Variants in CLSTN3 observed in about 807,000 individuals in gnomAD.
CLSTN3 encodes the protein calsyntenin 3, also known as calsyntenin-3.
Under a neutral mutation model 95.9 loss-of-function variants are expected in CLSTN3, and 36 were observed. The observed-to-expected ratio is 0.38, with a 90% CI of 0.29 to 0.50. CLSTN3 has a LOEUF of 0.50. Among genes scored for constraint, CLSTN3 ranks in the 20% least tolerant of loss-of-function variants. The pLI is 0.95. For missense variants in CLSTN3, 1,084 were observed against 1,268.8 expected (o/e 0.85, Z 2.21); for synonymous variants, 481 against 504.0 (o/e 0.95, Z 0.61).
At chr12:7,146,173 G>A (rs748908047) in intron 12 of CLSTN3, among the ~76,000 whole-genome samples, 2 of 152,142 alleles carry the variant, frequency 1.3e-5, no homozygotes, top group South Asian at 2.1e-4. Context: ...GCTGGGTGCC[G>A]TGGCTCACAC....
intron 10 of CLSTN3, 128 bp from the exon 11 acceptor site, chr12:7,142,741 C>CT: frequency 3.6e-6 from 1 of 280,760 alleles, no homozygotes; most frequent in Non-Finnish European, 5.8e-6. Context: ...TTTTTGGTTT[C>CT]CACATTTCTC....
chr12:7,158,137 C>A lies in CLSTN3; in HGVS notation c.*56C>A. ...ATTCTGCCCTGGTGAAACAGACACT[C>A]CAGACATGGGAGAAGGACTTTCTGG... On this transcript the variant is annotated 3_prime_UTR_variant, in exon 18 of 18. Coordinates refer to ENST00000266546, the MANE Select transcript of CLSTN3 (RefSeq NM_014718.4). 1 of 1,455,794 alleles carries A rather than the reference C, an allele frequency of 6.9e-7. No individual in the cohort carries two copies. Among genetic ancestry groups the A allele is most frequent in the South Asian group, 1.4e-5 (1 of 69,296 alleles). The allele number at this position is 1,455,794 out of a possible 1,614,324, so 90.2% of individuals were successfully genotyped here.
chr12:7,136,710 G>C, intron 6 of CLSTN3, 119 bp from the exon 7 acceptor site: 2 of 1,132,760 alleles, frequency 1.8e-6, no homozygotes, highest in Admixed American at 4.1e-5. Flanking sequence ...GGCCATAAAA[G>C]GTGGCAAGAC....
intron 5 of CLSTN3, 75 bp from the exon 6 acceptor site, chr12:7,136,131 G>C: frequency 6.5e-7 from 1 of 1,546,330 alleles, no homozygotes; most frequent in Non-Finnish European, 8.8e-7. Flanking sequence ...CATGGACATG[G>C]CAAGAGGAGC....
intron 4 of CLSTN3, 85 bp downstream of exon 4, chr12:7,135,620 CT>C: frequency 6.8e-7 from 1 of 1,466,984 alleles, no homozygotes; most frequent in Non-Finnish European, 9.5e-7. Flanking sequence ...GCATTCTCCA[CT>C]TTTGCCCCTC....
intron 1 of CLSTN3, chr12:7,132,735 A>G (rs1939327606): frequency 1.7e-6 from 1 of 591,606 alleles, no homozygotes; most frequent in Admixed American, 3.0e-5. Context: ...CTTCCTGACC[A>G]TGGTTCCCAT....
In CLSTN3 at chr12:7,157,454, G is replaced by C; in HGVS notation, c.2528-35G>C. 1 of 1,525,674 alleles carries C rather than the reference G, an allele frequency of 6.6e-7. No individual in the cohort carries two copies. The highest frequency in any genetic ancestry group is 8.8e-7 in the Non-Finnish European group (1 of 1,134,892). 94.5% of individuals were successfully genotyped at this position (1,525,674 alleles called of 1,614,324 possible). A position where few individuals can be genotyped will look rare whatever the true frequency, so the allele number is the denominator to read the frequency against. On this transcript the variant is annotated intron_variant, in intron 16 of 17. Transcript: ENST00000266546. The surrounding 1 kb of genome is among the most constrained non-coding windows in gnomAD (Gnocchi z 5.9). Reference sequence around the variant, plus strand: ...GTCCAAGTGCCCCCAGGTGTGCCTAGTCACGCTCTGCTCACCCCCGCGCTC... The same window carrying C: ...GTCCAAGTGCCCCCAGGTGTGCCTACTCACGCTCTGCTCACCCCCGCGCTC...
chr12:7,148,198 AAG>A (rs1491052246), intron 12 of CLSTN3, among the ~76,000 whole-genome samples: 1 of 133,474 alleles, frequency 7.5e-6, no homozygotes, highest in Non-Finnish European at 1.6e-5. Flanking sequence ...GAAAGAAAGA[AAG>A]AAAGAAAGAA....
chr12:7,149,292 C>A lies in CLSTN3; in HGVS notation c.2074+94C>A. On this transcript the variant is annotated intron_variant, in intron 13 of 17. Transcript: ENST00000266546. The surrounding 1 kb of genome is among the most constrained non-coding windows in gnomAD (Gnocchi z 4.5). ...AACTCCTGGGGCTGGAAGCAGAAAGCGACTCCATCCTGTGTTTGTTTGACT... is the reference window on the plus strand; with the variant it reads ...AACTCCTGGGGCTGGAAGCAGAAAGAGACTCCATCCTGTGTTTGTTTGACT... 1.8e-6 allele frequency: 2 copies of A among 1,112,818 alleles called. No homozygotes were observed. The highest frequency in any genetic ancestry group is 2.6e-6 in the Non-Finnish European group (2 of 755,020). 68.9% of individuals were successfully genotyped at this position (1,112,818 alleles called of 1,614,324 possible).
chr12:7,133,441 T>C lies in CLSTN3; in HGVS notation c.188-132T>C. 1 of 914,996 alleles carries C rather than the reference T, an allele frequency of 1.1e-6. No homozygotes were observed. The allele number at this position is 914,996 out of a possible 1,614,324, so 56.7% of individuals were successfully genotyped here. Reference sequence around the variant, plus strand: ...GGGCTTAGAGTTGCGTGTTTGATCATTAATGCTTTTGTGCCTACAGGAGAA... The same window carrying C: ...GGGCTTAGAGTTGCGTGTTTGATCACTAATGCTTTTGTGCCTACAGGAGAA... On this transcript the variant is annotated intron_variant, in intron 2 of 17. Coordinates refer to ENST00000266546, the MANE Select transcript of CLSTN3 (RefSeq NM_014718.4). This position sits in a 1 kb window ranked among gnomAD's most constrained non-coding sequence, Gnocchi z 4.7.
intron 10 of CLSTN3, 88 bp downstream of exon 10, chr12:7,142,227 G>C: frequency 1.8e-6 from 2 of 1,114,414 alleles, no homozygotes; most frequent in Non-Finnish European, 2.6e-6. Context: ...ATCCTATCCA[G>C]CCTGTGACAG....
intron 16 of CLSTN3, chr12:7,156,727 G>T (rs964899311): frequency 4.4e-6 from 2 of 456,682 alleles, no homozygotes; most frequent in Non-Finnish European, 8.8e-6. Context: ...TGAACGCACC[G>T]TTCTGTGTCT....
At chr12:7,132,927 G>C in intron 1 of CLSTN3, 97 bp from the exon 2 acceptor site, 1 of 1,544,628 alleles carries the variant, frequency 6.5e-7, no homozygotes, top group Non-Finnish European at 8.9e-7. Context: ...AAAGGTGATG[G>C]TGCTGGGGTG....
chr12:7,151,992 T>C (rs1272569863), intron 16 of CLSTN3, among the ~76,000 whole-genome samples: 3 of 146,818 alleles, frequency 2.0e-5, no homozygotes, highest in African/African-American at 7.6e-5. Flanking sequence ...AGGCCAAGGC[T>C]GCAGTGAGCC....
At position 7,141,293 on chromosome 12, in the gene CLSTN3, G is replaced by A. The variant is rs749653032; in HGVS notation, c.1375G>A (p.Val459Ile). Reference sequence around the variant, plus strand: ...CGCTCTGAACCTCGAGTTCCCCACAGTCACACTCTATACCGACGGCATCTC... The same window carrying A: ...CGCTCTGAACCTCGAGTTCCCCACAATCACACTCTATACCGACGGCATCTC... ...HYALNLEFPT[V>I]TLYTDGISFD... is the part of the protein sequence containing the mutation. The change falls in exon 9 of 18, where the codon GTC becomes ATC. Residue 459 changes from valine to isoleucine, a missense_variant. Physicochemically the swap from Val to Ile is conservative, Grantham distance 29. Coordinates refer to ENST00000266546, the MANE Select transcript of CLSTN3 (RefSeq NM_014718.4). The surrounding 1 kb of genome is among the most constrained non-coding windows in gnomAD (Gnocchi z 4.1). 2 of 1,614,160 alleles carry A rather than the reference G, an allele frequency of 1.2e-6. No homozygotes were observed. The highest frequency in any genetic ancestry group is 1.1e-5 in the South Asian group (1 of 91,080).
chr12:7,135,683 C>A, intron 4 of CLSTN3, 121 bp from the exon 5 acceptor site: 1 of 1,402,508 alleles, frequency 7.1e-7, no homozygotes, highest in East Asian at 2.3e-5. Context: ...TCCCAGATGC[C>A]TTTTTTCCCA....
At position 7,133,200 on chromosome 12, in the gene CLSTN3, G is replaced by A; in HGVS notation, c.187+54G>A. ...GGGTAGGACAGAGAAAAGTGGGTGG[G>A]AGGGCCAAGAGCAAGGGAGGGAGGG... On this transcript the variant is annotated intron_variant, in intron 2 of 17. Coordinates refer to ENST00000266546, the MANE Select transcript of CLSTN3 (RefSeq NM_014718.4). This position sits in a 1 kb window ranked among gnomAD's most constrained non-coding sequence, Gnocchi z 4.7. The A allele has an allele frequency of 6.5e-7, 1 of 1,543,796 alleles. No homozygotes were observed. Among genetic ancestry groups the A allele is most frequent in the Middle Eastern group, 1.7e-4 (1 of 5,862 alleles).
In CLSTN3 at chr12:7,135,833, T is replaced by C; in HGVS notation, c.622T>C (p.Tyr208His). ...CATTGAGAACACAGAGAAGCTGCAG[T>C]ACAGTGGTGAGAGGCTCTATAAGTT... ...GNIENTEKLQ[Y>H]SGERLYKFTV... The change falls in exon 5 of 18, where the codon TAC becomes CAC. Residue 208 changes from tyrosine to histidine, a missense_variant. Transcript: ENST00000266546. 1 of 1,613,060 alleles carries C rather than the reference T, an allele frequency of 6.2e-7. No individual in the cohort carries two copies. Among genetic ancestry groups the C allele is most frequent in the Non-Finnish European group, 8.5e-7 (1 of 1,179,468 alleles).
rs1385636994 is a variant in CLSTN3 at position 7,157,838 on chromosome 12, G to T, written c.2731-103G>T. On this transcript the variant is annotated intron_variant, in intron 17 of 17. Coordinates refer to ENST00000266546, the MANE Select transcript of CLSTN3 (RefSeq NM_014718.4). The surrounding 1 kb of genome is among the most constrained non-coding windows in gnomAD (Gnocchi z 5.9). ...GAGAGAGGTTCAGGCAGGGAAGGGG[G>T]TACACAGGGGTTAAGGGGACCGAGG... is the stretch of plus-strand genomic sequence containing the variant. The T allele has an allele frequency of 2.0e-6, 3 of 1,510,370 alleles. No individual in the cohort carries two copies. Among genetic ancestry groups the T allele is most frequent in the Non-Finnish European group, 1.8e-6 (2 of 1,124,148 alleles). The allele number at this position is 1,510,370 out of a possible 1,614,324, so 93.6% of individuals were successfully genotyped here. A position where few individuals can be genotyped will look rare whatever the true frequency, so the allele number is the denominator to read the frequency against.
Sources: gnomAD v4.1 joint callset for allele counts (sites outside exome capture counted in the v4.1 genomes callset) on GRCh38, gnomAD v4.1.1 for gene constraint, Gnocchi (gnomAD v3.1) non-coding constraint, MANE v1.5 for transcripts, NCBI Gene and HGNC (gene_info 2026-07-23, HGNC 2026-07-21) for gene names.